Variants in ITGA7 observed in about 807,000 individuals in gnomAD.
ITGA7 encodes the protein integrin alpha-7.
Under a neutral mutation model 131.6 loss-of-function variants are expected in ITGA7, and 84 were observed. The observed-to-expected ratio is 0.64, with a 90% CI of 0.54 to 0.77. ITGA7 has a LOEUF of 0.77. ITGA7 is among the 30% of genes least tolerant of loss of function. The pLI is 0.00. For missense variants in ITGA7, 1,399 were observed against 1,482.9 expected (o/e 0.94, Z 0.93); for synonymous variants, 548 against 600.7 (o/e 0.91, Z 1.28).
At position 55,694,763 on chromosome 12, in the gene ITGA7, C is replaced by T. The variant is rs929593321; in HGVS notation, c.2196+15G>A. ...CCCCTCAAGACCCCACCCCATCCTGCCCCCAGGTCCTCACCGCAGGGTCCA... is the reference window on the plus strand; with the variant it reads ...CCCCTCAAGACCCCACCCCATCCTGTCCCCAGGTCCTCACCGCAGGGTCCA... On this transcript the variant is annotated intron_variant, in intron 15 of 24. Transcript: ENST00000257879. The surrounding 1 kb of genome is among the most constrained non-coding windows in gnomAD (Gnocchi z 5.3). 12 of 1,613,716 alleles carry T rather than the reference C, an allele frequency of 7.4e-6. No individual in the cohort carries two copies. In the Middle Eastern group the frequency reaches 8.2e-4, roughly 111 times the overall value.
In ITGA7 at chr12:55,688,290, G is replaced by A. The variant is rs752389292; in HGVS notation, c.2969C>T (p.Ala990Val). 3.7e-6 allele frequency: 6 copies of A among 1,613,138 alleles called. No individual in the cohort carries two copies. Among genetic ancestry groups the A allele is most frequent in the African/African-American group, 1.3e-5 (1 of 74,888 alleles). Residue 990 changes from alanine to valine, a missense_variant, in exon 23 of 25, where the codon GCT becomes GTT. Transcript: ENST00000257879. ...WNSTFLEEYS[A>V]VKSLEVIVRA... ...GACAATCACTTCCAGGGACTTCACA[G>A]CTGAGTACTCCTAAGGGAACAGGGA...
Position 55,688,947 on chromosome 12 carries a change from C to G in ITGA7, c.2855G>C (p.Arg952Pro). The G allele has an allele frequency of 6.2e-7, 1 of 1,613,710 alleles. No homozygotes were observed. Among genetic ancestry groups the G allele is most frequent in the Non-Finnish European group, 8.5e-7 (1 of 1,179,760 alleles). ...KKKNITLDCA[R>P]GTANCVVFSC... ...GAACACCACACAGTTGGCCGTGCCC[C>G]GGGCGCAGTCCTAGGGATAAGGACA... The change falls in exon 22 of 25, where the codon CGG (arginine) becomes CCG (proline). Residue 952 changes from arginine (R) to proline (P), a missense_variant. Arg to Pro is a moderately radical substitution (Grantham distance 103, BLOSUM62 -2). Transcript: ENST00000257879.
At chr12:55,687,716 C>T (rs528983965) in intron 24 of ITGA7, among the ~76,000 whole-genome samples, 1 of 152,220 alleles carries the variant, frequency 6.6e-6, no homozygotes, top group Non-Finnish European at 1.5e-5. Flanking sequence ...TCTCGAACTC[C>T]TGACCTCAAG....
chr12:55,712,558 G>A (rs1876212933), upstream of ITGA7: 1 of 517,248 alleles, frequency 1.9e-6, no homozygotes, highest in Admixed American at 3.4e-5. Flanking sequence ...GGAGTGTGGA[G>A]TTGCATTCAT....
At chr12:55,712,168 A>T, upstream of ITGA7, 1 of 1,551,384 alleles carries the variant, frequency 6.4e-7, no homozygotes, top group Non-Finnish European at 8.7e-7. Flanking sequence ...TGATTGAGGG[A>T]ATTCAGTGGG....
rs757239624 is a variant in ITGA7, at chr12:55,699,907, T to C, written c.753A>G (p.Pro251=). ...YKTLDPADRL[P]GPAGDLALNS... ...TGAGGGCCAAGTCTCCGGCTGGTCC[T>C]GGGAGCCGGTCAGCAGGGTCCAAAG... The change falls in exon 5 of 25, where the codon CCA becomes CCG. Residue 251 remains proline, a synonymous_variant. Transcript: ENST00000257879. 2 of 1,613,224 alleles carry C rather than the reference T, an allele frequency of 1.2e-6. No homozygotes were observed. Among genetic ancestry groups the C allele is most frequent in the East Asian group, 2.2e-5 (1 of 44,858 alleles).
chr12:55,704,587 T>G (rs1008444529), intron 1 of ITGA7, among the ~76,000 whole-genome samples: 2 of 152,230 alleles, frequency 1.3e-5, no homozygotes, highest in East Asian at 3.8e-4. Context: ...TGTCCACATA[T>G]GTGCCAAGCA....
chr12:55,692,404 G>A (rs1362678154), intron 21 of ITGA7, among the ~76,000 whole-genome samples: 2 of 152,210 alleles, frequency 1.3e-5, no homozygotes, highest in African/African-American at 4.8e-5. Context: ...GACAGAGCAA[G>A]ACTCCGTCTC....
Position 55,685,092 on chromosome 12 carries a change from C to T in ITGA7, c.3380G>A (p.Gly1127Asp). ...ILAADGHPEL[G>D]PDGHPGPGTA ...GCCTGGCCCTGGATGCCCATCGGGG[C>T]CCAGCTCGGGATGCCCGTCAGCAGC... The change falls in exon 25 of 25, where the codon GGC (glycine) becomes GAC (aspartate). Residue 1127 changes from glycine (G) to aspartate (D), a missense_variant. By Grantham distance (94) the Gly-to-Asp change is moderately conservative. Transcript: ENST00000257879. 1 of 1,604,038 alleles carries T rather than the reference C, an allele frequency of 6.2e-7. No individual in the cohort carries two copies.
intron 21 of ITGA7, 105 bp downstream of exon 21, chr12:55,692,739 C>T: frequency 7.1e-7 from 1 of 1,414,802 alleles, no homozygotes; most frequent in Non-Finnish European, 9.7e-7. Context: ...GTGATGGGAA[C>T]ATCTGGTCAA....
chr12:55,694,465 C>T lies in ITGA7; in HGVS notation c.2335G>A (p.Glu779Lys), dbSNP rs753347371. 6.2e-7 allele frequency: 1 copy of T among 1,614,220 alleles called. No homozygotes were observed. Among genetic ancestry groups the T allele is most frequent in the South Asian group, 1.1e-5 (1 of 91,082 alleles). ...SGISIETTELEVELLLATISE... is the reference protein window; with the variant it reads ...SGISIETTELKVELLLATISE... ...TACGTGGCCAACAGCAGCTCTACCT[C>T]CAGTTCCGTGGTCTCAATGCTGATC... is the stretch of plus-strand genomic sequence containing the variant. Residue 779 changes from glutamate to lysine, a missense_variant, in exon 17 of 25, where the codon GAG becomes AAG. Transcript: ENST00000257879. This position sits in a 1 kb window ranked among gnomAD's most constrained non-coding sequence, Gnocchi z 5.3.
Position 55,697,942 on chromosome 12 carries a change from G to C in ITGA7, c.1277C>G (p.Ser426Ter). The C allele has an allele frequency of 1.2e-6, 2 of 1,614,096 alleles. No homozygotes were observed. Among genetic ancestry groups the C allele is most frequent in the Non-Finnish European group, 1.7e-6 (2 of 1,180,004 alleles). ...CATCCCAGCGACTCCCCTCACCTGT[G>C]AAGGTTTGGCGACAACCCCCAGGCT... ...GSSLGVVAKP[S>*]QVLEGEAVGI... The change falls in exon 8 of 25, where the codon TCA becomes TGA. Residue 426 changes from serine (S) to a stop codon, truncating the protein, a stop_gained. Transcript: ENST00000257879. LOFTEE classifies it high-confidence loss of function.
intron 1 of ITGA7, among the ~76,000 whole-genome samples, chr12:55,705,281 C>G (rs1452007320): frequency 6.6e-6 from 1 of 151,956 alleles, no homozygotes; most frequent in African/African-American, 2.4e-5. Context: ...TCTGGTCCAG[C>G]CACACACACT....
At chr12:55,700,356 C>A in intron 4 of ITGA7, 1 of 1,610,456 alleles carries the variant, frequency 6.2e-7, no homozygotes, top group Non-Finnish European at 8.5e-7. Context: ...GTGCCAGGTC[C>A]GCTGAGCCCT....
Position 55,695,642 on chromosome 12 carries a change from G to A in ITGA7, c.1888-5C>T, listed in dbSNP as rs769651909. The A allele has an allele frequency of 9.3e-6, 15 of 1,607,360 alleles. No individual in the cohort carries two copies. The highest frequency in any genetic ancestry group is 1.6e-4 in the Middle Eastern group (1 of 6,072). ...GCCTTGCTTCAGGAAGTGGATCTGGGGAGAGACATGAGATAAGGGGCATTC... is the reference window on the plus strand; with the variant it reads ...GCCTTGCTTCAGGAAGTGGATCTGGAGAGAGACATGAGATAAGGGGCATTC... On this transcript the variant is annotated splice_polypyrimidine_tract_variant and splice_region_variant and intron_variant, in intron 13 of 24. Coordinates refer to ENST00000257879, the MANE Select transcript of ITGA7 (RefSeq NM_002206.3).
In ITGA7 at chr12:55,695,574, G is replaced by T; in HGVS notation, c.1951C>A (p.Arg651Ser). The T allele has an allele frequency of 6.2e-7, 1 of 1,613,916 alleles. No homozygotes were observed. The highest frequency in any genetic ancestry group is 8.5e-7 in the Non-Finnish European group (1 of 1,179,946). ...CTGACCCGGGTACAGAAGCGGGCGCGGACCAGCTGCAGATTGCTCTGGCAG... is the reference window on the plus strand; with the variant it reads ...CTGACCCGGGTACAGAAGCGGGCGCTGACCAGCTGCAGATTGCTCTGGCAG... ...KICQSNLQLV[R>S]ARFCTRVSDT... Residue 651 changes from arginine (R) to serine (S), a missense_variant, in exon 14 of 25, where the codon CGC becomes AGC. Arg to Ser is a moderately radical substitution (Grantham distance 110). Coordinates refer to ENST00000257879, the MANE Select transcript of ITGA7 (RefSeq NM_002206.3).
Position 55,698,903 on chromosome 12 carries a change from A to C in ITGA7, c.805T>G (p.Ser269Ala), listed in dbSNP as rs775087304. Residue 269 changes from serine (S) to alanine (A), a missense_variant, in exon 6 of 25, where the codon TCG (serine) becomes GCG (alanine). Physicochemically the swap from Ser to Ala is moderately conservative, Grantham distance 99 (BLOSUM62 1). Transcript: ENST00000257879. ...LNSYLGFSIDSGKGLVRAEEL... is the reference protein window; with the variant it reads ...LNSYLGFSIDAGKGLVRAEEL... ...TCTGCACGCACCAGACCTTTCCCCG[A>C]GTCAATAGAGAAGCCTGGGGGAAGG... is the stretch of plus-strand genomic sequence containing the variant. 8 of 1,612,074 alleles carry C rather than the reference A, an allele frequency of 5.0e-6. No homozygotes were observed. The highest frequency in any genetic ancestry group is 1.6e-4 in the Middle Eastern group (1 of 6,084).
In ITGA7 at chr12:55,707,823, C is replaced by CGA; in HGVS notation, c.-142_-141insTC. ...CTCCCAGACGTTCGCCCCGCCAGCC[C>CGA]TCCCGCCCGCCCGCCGCTCCGCCAC... On this transcript the variant is annotated 5_prime_UTR_variant, in exon 1 of 25. Coordinates refer to ENST00000257879, the MANE Select transcript of ITGA7 (RefSeq NM_002206.3). 1.4e-6 allele frequency: 2 copies of CGA among 1,456,452 alleles called. No homozygotes were observed. The highest frequency in any genetic ancestry group is 9.1e-7 in the Non-Finnish European group (1 of 1,098,114). The allele number at this position is 1,456,452 out of a possible 1,614,324, so 90.2% of individuals were successfully genotyped here. A position where few individuals can be genotyped will look rare whatever the true frequency, so the allele number is the denominator to read the frequency against.
At chr12:55,698,066 G>T (rs780013440) in intron 7 of ITGA7, 40 bp from the exon 8 acceptor site, 8 of 1,585,162 alleles carry the variant, frequency 5.0e-6, no homozygotes, top group African/African-American at 2.7e-5. Flanking sequence ...CTGGCTGGGG[G>T]CCTTGCAGAC....
Sources: gnomAD v4.1 joint callset for allele counts (sites outside exome capture counted in the v4.1 genomes callset) on GRCh38, gnomAD v4.1.1 for gene constraint, Gnocchi (gnomAD v3.1) non-coding constraint, MANE v1.5 for transcripts, NCBI Gene and HGNC (gene_info 2026-07-23, HGNC 2026-07-21) for gene names.